CCDC7: variants seen among roughly 807,000 people sequenced by gnomAD.
The protein encoded by CCDC7 is coiled-coil domain containing 7.
In CCDC7, 183 loss-of-function variants were observed where a neutral mutation model predicts 196.9. The ratio of observed to expected loss-of-function variants is 0.93; its 90% CI spans 0.82 to 1.05. CCDC7 has a LOEUF of 1.05. Among genes scored for constraint, CCDC7 ranks in the 50% least tolerant of loss-of-function variants. The pLI is 0.00. For synonymous variants in CCDC7, 525 were observed against 484.6 expected (o/e 1.08, Z -1.10); for missense variants, 1,540 against 1,482.2 (o/e 1.04, Z -0.64).
intron 28 of CCDC7, among the ~76,000 whole-genome samples, chr10:32,737,180 A>C (rs1469070167): frequency 2.0e-5 from 3 of 152,152 alleles, no homozygotes. Flanking sequence ...TGAATATTGC[A>C]TGAATGTTGC....
chr10:32,511,256 G>T (rs1291799232), intron 9 of CCDC7: 46 of 660,734 alleles, frequency 7.0e-5, no homozygotes, highest in South Asian at 1.7e-4. Context: ...TTATTCTGTG[G>T]GGGGCGGGGG....
chr10:32,701,526 C>T (rs2078723460), intron 24 of CCDC7, among the ~76,000 whole-genome samples: 2 of 152,256 alleles, frequency 1.3e-5, no homozygotes, highest in Admixed American at 6.5e-5. Flanking sequence ...ATGATGCTGG[C>T]CTCATAAAAT....
chr10:32,699,580 T>C (rs1352307926), intron 24 of CCDC7, among the ~76,000 whole-genome samples: 1 of 148,970 alleles, frequency 6.7e-6, no homozygotes, highest in Non-Finnish European at 1.5e-5. Flanking sequence ...GTAATGGGAG[T>C]GCTGGGTCAA....
At chr10:32,797,673 TA>T (rs1304924904) in intron 29 of CCDC7, among the ~76,000 whole-genome samples, 5 of 152,028 alleles carry the variant, frequency 3.3e-5, no homozygotes, top group African/African-American at 1.2e-4. Flanking sequence ...AAACATAGTT[TA>T]AAAAATAAAT....
intron 28 of CCDC7, among the ~76,000 whole-genome samples, chr10:32,739,916 A>G (rs1256889156): frequency 6.6e-6 from 1 of 151,388 alleles, no homozygotes; most frequent in Non-Finnish European, 1.5e-5. Flanking sequence ...TGAGGCTTGC[A>G]GATATTTTAG....
rs753961839 is a variant in CCDC7, at chr10:32,567,651, G to C, written c.1198-19G>C. 4 of 1,594,908 alleles carry C rather than the reference G, an allele frequency of 2.5e-6. No homozygotes were observed. The South Asian group carries it at 4.6e-5, about 18-fold the overall frequency. ...AATATCAGAAAATGCTTAATAAACT[G>C]GTACTTTTTTAAAAACAGGAAGCTG... On this transcript the variant is annotated intron_variant, in intron 14 of 41. Transcript: ENST00000639629.
chr10:32,522,786 C>A (rs2048071325), intron 11 of CCDC7, among the ~76,000 whole-genome samples: 1 of 151,972 alleles, frequency 6.6e-6, no homozygotes, highest in Non-Finnish European at 1.5e-5. Flanking sequence ...TTTTTTGATG[C>A]AGGCACTTGT....
chr10:32,788,416 A>G (rs990951224), intron 29 of CCDC7, among the ~76,000 whole-genome samples: 1 of 152,132 alleles, frequency 6.6e-6, no homozygotes, highest in Non-Finnish European at 1.5e-5. Flanking sequence ...TTCCAGGCCT[A>G]TTTATGTGTA....
chr10:32,511,831 C>A, intron 9 of CCDC7: 1 of 813,182 alleles, frequency 1.2e-6, no homozygotes, highest in Non-Finnish European at 2.1e-6. Context: ...CCCGCGCCAC[C>A]AGCGGCGCTT....
intron 9 of CCDC7, among the ~76,000 whole-genome samples, chr10:32,496,046 G>T (rs2042868699): frequency 6.6e-6 from 1 of 152,068 alleles, no homozygotes; most frequent in Admixed American, 6.5e-5. Context: ...TTTTCCATTT[G>T]TTTGTTTCCT....
intron 32 of CCDC7, among the ~76,000 whole-genome samples, chr10:32,825,738 C>T (rs370816488): frequency 5.3e-5 from 8 of 152,126 alleles, no homozygotes; most frequent in African/African-American, 1.9e-4. Flanking sequence ...GTGGAGAACA[C>T]CGATAAAGAG....
chr10:32,687,218 T>C (rs1032019004), intron 22 of CCDC7, among the ~76,000 whole-genome samples: 1 of 152,194 alleles, frequency 6.6e-6, no homozygotes. Flanking sequence ...AGAAATAGTC[T>C]CATGAACATC....
chr10:32,555,880 G>A (rs139569822), intron 13 of CCDC7, among the ~76,000 whole-genome samples: 37 of 152,284 alleles, frequency 2.4e-4, no homozygotes, highest in Admixed American at 5.2e-4. Context: ...TATGTCTGAC[G>A]TTCCAGCTGG....
intron 18 of CCDC7, among the ~76,000 whole-genome samples, chr10:32,605,161 C>T (rs1205237318): frequency 6.6e-6 from 1 of 152,086 alleles, no homozygotes; most frequent in Non-Finnish European, 1.5e-5. Context: ...AGCTGTCTCC[C>T]TCTTTGCTTT....
intron 31 of CCDC7, among the ~76,000 whole-genome samples, chr10:32,821,035 C>G (rs550797331): frequency 6.6e-6 from 1 of 152,312 alleles, no homozygotes; most frequent in South Asian, 2.1e-4. Context: ...AGGCAACCTA[C>G]AGAATGGGAG....
intron 28 of CCDC7, among the ~76,000 whole-genome samples, chr10:32,776,042 A>G (rs567974721): frequency 7.6e-4 from 112 of 147,740 alleles, no homozygotes; most frequent in Non-Finnish European, 1.4e-3. Context: ...CAAAAAACCA[A>G]ACACCGCATA....
intron 21 of CCDC7, among the ~76,000 whole-genome samples, chr10:32,684,079 A>G (rs1370721290): frequency 3.9e-5 from 6 of 152,024 alleles, no homozygotes; most frequent in Non-Finnish European, 8.8e-5. Context: ...AGCCAGCCCA[A>G]GTGATCAGGT....
intron 8 of CCDC7, among the ~76,000 whole-genome samples, chr10:32,485,956 A>G (rs2040985268): frequency 1.3e-5 from 2 of 151,916 alleles, no homozygotes; most frequent in African/African-American, 2.4e-5. Context: ...TGTGGTGCTG[A>G]GAAGATTGTA....
rs138136823 is a variant in CCDC7 at position 32,523,392 on chromosome 10, C to T, written c.993+4887C>T. On this transcript the variant is annotated intron_variant, in intron 11 of 41. Coordinates refer to ENST00000639629, the Ensembl canonical transcript of CCDC7. ...GAAACCCTGTCTCTACTAAAAAATA[C>T]GAAAAAATTAGCTGGGCATGGTGGC... Among the ~76,000 whole-genome samples the T allele has an allele frequency of 8.0e-3, 1,211 of 151,940 alleles. 7 individuals carry two copies. The highest frequency in any genetic ancestry group is 0.021 in the Middle Eastern group (6 of 292).
Sources: gnomAD v4.1 joint callset for allele counts (sites outside exome capture counted in the v4.1 genomes callset) on GRCh38, gnomAD v4.1.1 for gene constraint, MANE v1.5 for transcripts, NCBI Gene and HGNC (gene_info 2026-07-23, HGNC 2026-07-21) for gene names.